The following KHDRBS2 variants were observed in gnomAD, a reference collection of about 807,000 sequenced individuals.
The protein encoded by KHDRBS2 is KH RNA binding domain containing, signal transduction associated 2, also known as KH domain-containing, RNA-binding, signal transduction-associated protein 2.
KHDRBS2 carries 26 observed loss-of-function variants against 44.3 expected under a neutral mutation model. The observed-to-expected ratio is 0.59, with a 90% CI of 0.43 to 0.81. KHDRBS2 has a LOEUF of 0.81. Among genes scored for constraint, KHDRBS2 ranks in the 40% least tolerant of loss-of-function variants. The pLI is 0.00. For synonymous variants in KHDRBS2, 194 were observed against 151.1 expected (o/e 1.28, Z -2.08); for missense variants, 476 against 433.1 (o/e 1.10, Z -0.88).
intron 4 of KHDRBS2, among the ~76,000 whole-genome samples, chr6:61,930,063 T>C (rs1462380985): frequency 6.6e-6 from 1 of 152,034 alleles, no homozygotes; most frequent in East Asian, 1.9e-4. Flanking sequence ...AGGGTCCTCA[T>C]AAAAGGGCAT....
chr6:61,874,551 C>T (rs1360165880), intron 6 of KHDRBS2, among the ~76,000 whole-genome samples: 1 of 152,106 alleles, frequency 6.6e-6, no homozygotes, highest in African/African-American at 2.4e-5. Context: ...TTGGATGCTT[C>T]TTTTCGTATA....
At chr6:61,952,288 A>T (rs1764919901) in intron 4 of KHDRBS2, among the ~76,000 whole-genome samples, 1 of 152,052 alleles carries the variant, frequency 6.6e-6, no homozygotes, top group South Asian at 2.1e-4. Flanking sequence ...GAAGCATCAC[A>T]ATAAGGACAA....
rs182237391 is a variant in KHDRBS2 at position 61,944,155 on chromosome 6, A to C, written c.483+33911T>G. Among the ~76,000 whole-genome samples, 173 of 152,292 alleles carry C rather than the reference A, an allele frequency of 1.1e-3. 1 individual carries two copies. Among genetic ancestry groups the C allele is most frequent in the African/African-American group, 3.9e-3 (162 of 41,574 alleles). ...AACTACCATACAATCAAGCAATCCC[A>C]CTATTGGGTATCCAAAGGAAAAGGA... On this transcript the variant is annotated intron_variant, in intron 4 of 8. Coordinates refer to ENST00000281156, the MANE Select transcript of KHDRBS2 (RefSeq NM_152688.4).
chr6:62,129,421 G>A (rs1286691470), intron 2 of KHDRBS2, among the ~76,000 whole-genome samples: 1 of 152,116 alleles, frequency 6.6e-6, no homozygotes, highest in Non-Finnish European at 1.5e-5. Context: ...AAAGGAATAT[G>A]TCATTAGATT....
chr6:62,111,599 A>G (rs1410341427), intron 2 of KHDRBS2, among the ~76,000 whole-genome samples: 1 of 152,130 alleles, frequency 6.6e-6, no homozygotes. Context: ...TAGACAGTTT[A>G]AAAAACAGAC....
chr6:61,650,421 T>A, the KHDRBS2 span, among the ~76,000 whole-genome samples: 2 of 143,970 alleles, frequency 1.4e-5, no homozygotes, highest in African/African-American at 5.2e-5. Flanking sequence ...TTTTTTTTTT[T>A]AATCAGGTGT....
the KHDRBS2 span, among the ~76,000 whole-genome samples, chr6:61,603,298 T>C: frequency 4.6e-5 from 7 of 152,014 alleles, no homozygotes; most frequent in Admixed American, 1.3e-4. Flanking sequence ...ACCCATATAC[T>C]CTCCTACCCT....
At chr6:61,955,299 T>A (rs1225792319) in intron 4 of KHDRBS2, among the ~76,000 whole-genome samples, 1 of 146,362 alleles carries the variant, frequency 6.8e-6, no homozygotes, top group African/African-American at 2.5e-5. Context: ...TATGTATGTA[T>A]ACATATATAT....
At chr6:61,712,159 CTAGAGGTGACTT>C (rs1194888141) in intron 7 of KHDRBS2, among the ~76,000 whole-genome samples, 1 of 151,720 alleles carries the variant, frequency 6.6e-6, no homozygotes, top group Admixed American at 6.6e-5. Context: ...CCTAGGTTAC[CTAGAGGTGACTT>C]TACTGTATCA....
intron 3 of KHDRBS2, among the ~76,000 whole-genome samples, chr6:62,025,644 C>CT (rs1010060648): frequency 3.4e-4 from 51 of 151,606 alleles, no homozygotes; most frequent in Non-Finnish European, 6.6e-4. Flanking sequence ...TTTTTTAATA[C>CT]TTTTTTTGGT....
chr6:61,608,773 C>T, the KHDRBS2 span, among the ~76,000 whole-genome samples: 1 of 152,026 alleles, frequency 6.6e-6, no homozygotes, highest in East Asian at 1.9e-4. Context: ...TGAACTCATC[C>T]TTATTTATGG....
chr6:61,695,069 A>G (rs1380596241), intron 8 of KHDRBS2, among the ~76,000 whole-genome samples: 3 of 152,116 alleles, frequency 2.0e-5, no homozygotes, highest in Admixed American at 6.6e-5. Flanking sequence ...GTGAAATAGC[A>G]AGTGATAGCA....
In KHDRBS2 at chr6:61,738,648, A is replaced by G. The variant is rs143839609; in HGVS notation, c.811-5884T>C. Among the ~76,000 whole-genome samples the G allele has an allele frequency of 4.5e-4, 68 of 151,828 alleles. No individual in the cohort carries two copies. The East Asian group carries it at 0.012, about 26-fold the overall frequency. On this transcript the variant is annotated intron_variant, in intron 6 of 8. Transcript: ENST00000281156. ...GCATTTGGGTATTGGGCAAAGCAACATACAGGACAAATACGTGTGTGTTAC... is the reference window on the plus strand; with the variant it reads ...GCATTTGGGTATTGGGCAAAGCAACGTACAGGACAAATACGTGTGTGTTAC...
At position 62,220,884 on chromosome 6, in the gene KHDRBS2, T is replaced by G. The variant is rs553325366; in HGVS notation, c.92-43572A>C. Among the ~76,000 whole-genome samples the G allele has an allele frequency of 1.1e-4, 17 of 152,058 alleles. No homozygotes were observed. The South Asian group carries it at 3.3e-3, about 30-fold the overall frequency. ...GCTCCAATTTAAAGAAAAAATTTGTTAGATTACAAATAAATGCTTAATAAT... is the reference window on the plus strand; with the variant it reads ...GCTCCAATTTAAAGAAAAAATTTGTGAGATTACAAATAAATGCTTAATAAT... On this transcript the variant is annotated intron_variant, in intron 1 of 8. Transcript: ENST00000281156.
chr6:61,695,711 T>C (rs1010614321), intron 8 of KHDRBS2, among the ~76,000 whole-genome samples: 4 of 152,248 alleles, frequency 2.6e-5, no homozygotes, highest in East Asian at 3.9e-4. Flanking sequence ...AAATACAAAA[T>C]ATCTGTAACT....
chr6:61,779,192 A>AT (rs925899065), intron 6 of KHDRBS2, among the ~76,000 whole-genome samples: 50 of 151,584 alleles, frequency 3.3e-4, no homozygotes, highest in Middle Eastern at 3.4e-3. Flanking sequence ...TAGTATACCA[A>AT]TTTTTTTTTA....
At chr6:62,105,894 T>C (rs185430668) in intron 2 of KHDRBS2, among the ~76,000 whole-genome samples, 193 of 152,330 alleles carry the variant, frequency 1.3e-3, no homozygotes, top group Non-Finnish European at 2.4e-3. Flanking sequence ...GGATCTTTCC[T>C]GCTTTCTCTT....
intron 6 of KHDRBS2, among the ~76,000 whole-genome samples, chr6:61,816,339 T>A (rs1333158687): frequency 6.6e-6 from 1 of 152,096 alleles, no homozygotes; most frequent in Non-Finnish European, 1.5e-5. Context: ...TGGATCCTAA[T>A]TCCAAATGGC....
the KHDRBS2 span, among the ~76,000 whole-genome samples, chr6:61,614,730 T>C: frequency 6.6e-6 from 1 of 152,106 alleles, no homozygotes; most frequent in Non-Finnish European, 1.5e-5. Context: ...TTTTGCTGTA[T>C]TTTATTTAAA....
Sources: gnomAD v4.1 joint callset for allele counts (sites outside exome capture counted in the v4.1 genomes callset) on GRCh38, gnomAD v4.1.1 for gene constraint, MANE v1.5 for transcripts, NCBI Gene and HGNC (gene_info 2026-07-23, HGNC 2026-07-21) for gene names.